AKR1B1: variants seen among roughly 807,000 people sequenced by gnomAD.
The protein encoded by AKR1B1 is aldo-keto reductase family 1 member B1.
A neutral mutation model predicts 40.4 loss-of-function variants in AKR1B1; 22 were observed. The ratio of observed to expected loss-of-function variants is 0.54; its 90% CI spans 0.39 to 0.78. AKR1B1 has a LOEUF of 0.78. Ranked by LOEUF, AKR1B1 falls within the 30% of genes least tolerant of loss-of-function variation. The pLI is 0.00. For missense variants in AKR1B1, 357 were observed against 396.7 expected (o/e 0.90, Z 0.85); for synonymous variants, 157 against 149.9 (o/e 1.05, Z -0.35).
rs1372449526 is a variant in AKR1B1, at chr7:134,442,775, C to CAGGAGAA, written c.909-12_909-6dup. The CAGGAGAA allele has an allele frequency of 1.2e-5, 19 of 1,613,892 alleles. No individual in the cohort carries two copies. The highest frequency in any genetic ancestry group is 1.4e-5 in the Non-Finnish European group (17 of 1,179,912). ...TAATCCTTGTGGGAGGTACAGCTGT[C>CAGGAGAA]AGGAGAAAGGAGAAAACAGTTGCTT... On this transcript the variant is annotated splice_region_variant and splice_polypyrimidine_tract_variant and intron_variant, in intron 9 of 9. Coordinates refer to ENST00000285930, the MANE Select transcript of AKR1B1 (RefSeq NM_001628.4).
At chr7:134,455,743 C>A (rs563645156) in intron 1 of AKR1B1, among the ~76,000 whole-genome samples, 1 of 148,272 alleles carries the variant, frequency 6.7e-6, no homozygotes, top group Non-Finnish European at 1.5e-5. Flanking sequence ...ACCACCATGC[C>A]GGGCTAATTT....
At chr7:134,447,258 T>C in intron 8 of AKR1B1, 40 bp downstream of exon 8, 1 of 1,541,180 alleles carries the variant, frequency 6.5e-7, no homozygotes, top group South Asian at 1.1e-5. Context: ...CATCCCCCAC[T>C]CCATGGAGGA....
rs528058963 is a variant in AKR1B1 at position 134,442,484 on chromosome 7, A to G, written c.*244T>C. 7.6e-5 allele frequency: 35 copies of G among 462,204 alleles called. No individual in the cohort carries two copies. Among genetic ancestry groups the G allele is most frequent in the Non-Finnish European group, 1.2e-4 (30 of 256,830 alleles). 28.6% of individuals were successfully genotyped at this position (462,204 alleles called of 1,614,324 possible). On this transcript the variant is annotated 3_prime_UTR_variant, in exon 10 of 10. Transcript: ENST00000285930. Reference sequence around the variant, plus strand: ...AGATTTTGCTTCTCTTTGGTCAGAAAAGGGTATTCAGGTTGTACTTTCCCC... The same window carrying G: ...AGATTTTGCTTCTCTTTGGTCAGAAGAGGGTATTCAGGTTGTACTTTCCCC...
Position 134,448,457 on chromosome 7 carries a change from T to A in AKR1B1, c.589A>T (p.Ile197Phe). ...ATGCCTTTGGACTGGCAGTACTGGA[T>A]TAACTTCTCCTGAGTGAGATATGGG... Reference protein sequence around the residue: ...CHPYLTQEKLIQYCQSKGIVV... With the variant: ...CHPYLTQEKLFQYCQSKGIVV... The change falls in exon 6 of 10, where the codon ATC becomes TTC. Residue 197 changes from isoleucine (I) to phenylalanine (F), a missense_variant. Physicochemically the swap from Ile to Phe is conservative, Grantham distance 21. Coordinates refer to ENST00000285930, the MANE Select transcript of AKR1B1 (RefSeq NM_001628.4). 1.2e-6 allele frequency: 2 copies of A among 1,614,046 alleles called. No individual in the cohort carries two copies. The highest frequency in any genetic ancestry group is 1.7e-6 in the Non-Finnish European group (2 of 1,179,970).
chr7:134,449,386 ACCAT>A (rs1284059182), intron 4 of AKR1B1: 7 of 565,544 alleles, frequency 1.2e-5, no homozygotes, highest in African/African-American at 7.5e-5. Flanking sequence ...GGAGATCAAG[ACCAT>A]CCTGGCTAAC....
intron 1 of AKR1B1, among the ~76,000 whole-genome samples, chr7:134,456,831 T>A (rs1416815261): frequency 4.6e-5 from 7 of 152,232 alleles, no homozygotes; most frequent in South Asian, 2.1e-4. Flanking sequence ...ATAACCTAAA[T>A]GTACAGATGT....
chr7:134,447,222 C>A (rs932918783), intron 8 of AKR1B1, 76 bp downstream of exon 8: 40 of 1,306,658 alleles, frequency 3.1e-5, no homozygotes, highest in Non-Finnish European at 3.8e-5. Context: ...AGATGACACT[C>A]CAGAGACAGG....
intron 1 of AKR1B1, 46 bp downstream of exon 1, chr7:134,458,951 G>A: frequency 6.4e-7 from 1 of 1,572,698 alleles, no homozygotes; most frequent in Non-Finnish European, 8.6e-7. Context: ...AGGCCGCGCG[G>A]AGAGTGTGAG....
chr7:134,449,850 C>T, intron 3 of AKR1B1, 53 bp from the exon 4 acceptor site: 1 of 1,451,156 alleles, frequency 6.9e-7, no homozygotes, highest in Admixed American at 1.7e-5. Context: ...TAGTCCTTCA[C>T]AGACCTGCTG....
In AKR1B1 at chr7:134,458,993, C is replaced by A. The variant is rs776987785; in HGVS notation, c.66+4G>T. On this transcript the variant is annotated splice_donor_region_variant and intron_variant, in intron 1 of 9. Transcript: ENST00000285930. ...CCCGGGCCCGCGCCCCCACGAGCACCTACCTTCCAGGTACCCAACCCCAGG... is the reference window on the plus strand; with the variant it reads ...CCCGGGCCCGCGCCCCCACGAGCACATACCTTCCAGGTACCCAACCCCAGG... 1 of 1,606,380 alleles carries A rather than the reference C, an allele frequency of 6.2e-7. No individual in the cohort carries two copies. Among genetic ancestry groups the A allele is most frequent in the South Asian group, 1.1e-5 (1 of 89,262 alleles).
upstream of AKR1B1, chr7:134,459,115 C>T (rs771906853): frequency 3.8e-6 from 6 of 1,565,026 alleles, no homozygotes; most frequent in Non-Finnish European, 5.2e-6. Flanking sequence ...TTGGCCGCGG[C>T]GCGTACCTTT....
intron 3 of AKR1B1, 68 bp downstream of exon 3, chr7:134,450,718 G>C: frequency 8.4e-7 from 1 of 1,192,550 alleles, no homozygotes. Context: ...TCTGCTAAGG[G>C]AGCTCAAAAC....
chr7:134,453,153 GC>G (rs1193976062), intron 1 of AKR1B1, among the ~76,000 whole-genome samples: 1 of 152,192 alleles, frequency 6.6e-6, no homozygotes, highest in Non-Finnish European at 1.5e-5. Flanking sequence ...AACAACTGGG[GC>G]CCAGGCAGGA....
At chr7:134,453,180 AC>A (rs1806345528) in intron 1 of AKR1B1, among the ~76,000 whole-genome samples, 1 of 152,180 alleles carries the variant, frequency 6.6e-6, no homozygotes, top group Admixed American at 6.5e-5. Context: ...CCCAGGACAC[AC>A]TGAACTTTCT....
At chr7:134,457,652 T>C (rs1806512373) in intron 1 of AKR1B1, among the ~76,000 whole-genome samples, 1 of 152,192 alleles carries the variant, frequency 6.6e-6, no homozygotes, top group Non-Finnish European at 1.5e-5. Flanking sequence ...TTTCTGTTGT[T>C]TTCTTCCCTT....
intron 9 of AKR1B1, among the ~76,000 whole-genome samples, chr7:134,443,520 G>T (rs1017748487): frequency 6.6e-6 from 1 of 152,086 alleles, no homozygotes; most frequent in Non-Finnish European, 1.5e-5. Context: ...TATCAGTGGG[G>T]GCTGAAGTGA....
intron 4 of AKR1B1, 38 bp from the exon 5 acceptor site, chr7:134,449,157 C>G: frequency 6.2e-7 from 1 of 1,611,506 alleles, no homozygotes; most frequent in South Asian, 1.1e-5. Flanking sequence ...AGAAACGAAC[C>G]CAGAAAGGAC....
intron 7 of AKR1B1, 40 bp from the exon 8 acceptor site, chr7:134,447,421 G>A (rs1806138593): frequency 1.3e-6 from 2 of 1,542,400 alleles, no homozygotes; most frequent in African/African-American, 1.4e-5. Flanking sequence ...ATACATGCCA[G>A]GCACTCGCAC....
chr7:134,448,864 T>A, intron 5 of AKR1B1, 133 bp downstream of exon 5: 1 of 1,088,346 alleles, frequency 9.2e-7, no homozygotes. Context: ...TGCTGAATCA[T>A]AACTCAGGAC....
Sources: gnomAD v4.1 joint callset for allele counts (sites outside exome capture counted in the v4.1 genomes callset) on GRCh38, gnomAD v4.1.1 for gene constraint, MANE v1.5 for transcripts, NCBI Gene and HGNC (gene_info 2026-07-23, HGNC 2026-07-21) for gene names.